Variants in FLI1 observed in about 807,000 individuals in gnomAD.
The protein encoded by FLI1 is Fli-1 proto-oncogene, ETS transcription factor, also known as Friend leukemia integration 1 transcription factor.
Under a neutral mutation model 53.1 loss-of-function variants are expected in FLI1, and 13 were observed. The ratio of observed to expected loss-of-function variants is 0.24; its 90% CI spans 0.16 to 0.39. The LOEUF (loss-of-function observed/expected upper bound fraction) is 0.39, where lower values mean the gene tolerates loss of function less well. Among genes scored for constraint, FLI1 ranks in the 10% least tolerant of loss-of-function variants. The pLI, the probability that FLI1 is intolerant of heterozygous loss-of-function variation, is 1.00. For synonymous variants in FLI1, 244 were observed against 236.7 expected (o/e 1.03, Z -0.28); for missense variants, 424 against 600.5 (o/e 0.71, Z 3.07).
chr11:128,709,870 C>T (rs576017863), intron 1 of FLI1, among the ~76,000 whole-genome samples: 2 of 152,230 alleles, frequency 1.3e-5, no homozygotes, highest in African/African-American at 4.8e-5. Flanking sequence ...AGGGAGATAC[C>T]AGTAGAACTG....
At chr11:128,704,745 A>G (rs1052549497) in intron 1 of FLI1, among the ~76,000 whole-genome samples, 1 of 152,100 alleles carries the variant, frequency 6.6e-6, no homozygotes, top group African/African-American at 2.4e-5. Flanking sequence ...TGTATCACCC[A>G]CCATTTTGCA....
chr11:128,790,167 A>C (rs768569032), intron 5 of FLI1, among the ~76,000 whole-genome samples: 9 of 150,472 alleles, frequency 6.0e-5, no homozygotes, highest in Non-Finnish European at 1.0e-4. Flanking sequence ...TGCTCTCTCT[A>C]TTTTATTTTT....
intron 5 of FLI1, 52 bp downstream of exon 5, chr11:128,782,075 A>G: frequency 5.8e-6 from 8 of 1,386,360 alleles, no homozygotes; most frequent in Non-Finnish European, 8.2e-6. Flanking sequence ...CAGACATGAC[A>G]CAGGCCCATG....
At position 128,772,765 on chromosome 11, in the gene FLI1, C is replaced by A; in HGVS notation, c.386-17C>A. 6.2e-7 allele frequency: 1 copy of A among 1,611,316 alleles called. No individual in the cohort carries two copies. Among genetic ancestry groups the A allele is most frequent in the Non-Finnish European group, 8.5e-7 (1 of 1,177,474 alleles). ...ACCTTCCTGCAGTCCTTGCTAACAACGTCTTCTCCTCTGCAGACCCCACAC... is the reference window on the plus strand; with the variant it reads ...ACCTTCCTGCAGTCCTTGCTAACAAAGTCTTCTCCTCTGCAGACCCCACAC... On this transcript the variant is annotated splice_polypyrimidine_tract_variant and intron_variant, in intron 3 of 8. Transcript: ENST00000527786.
chr11:128,714,918 G>A (rs624505), intron 1 of FLI1, among the ~76,000 whole-genome samples: 132,817 of 151,648 alleles, frequency 0.88, 58,214 homozygotes, highest in East Asian at 0.99. Context: ...CATGTTGGCC[G>A]GAATGGTCTC....
At chr11:128,754,235 A>G (rs1348990675) in intron 1 of FLI1, among the ~76,000 whole-genome samples, 3 of 145,784 alleles carry the variant, frequency 2.1e-5, no homozygotes, top group Admixed American at 6.8e-5. Context: ...TAGAAGGGGG[A>G]TGTGTGTGTG....
At chr11:128,733,751 A>G (rs375895673) in intron 1 of FLI1, among the ~76,000 whole-genome samples, 23 of 152,252 alleles carry the variant, frequency 1.5e-4, no homozygotes, top group African/African-American at 5.1e-4. Context: ...TGTTGTGCCC[A>G]TCTGCCTTTG....
At chr11:128,777,505 C>T (rs1215642869) in intron 4 of FLI1, among the ~76,000 whole-genome samples, 3 of 152,180 alleles carry the variant, frequency 2.0e-5, no homozygotes, top group Admixed American at 1.3e-4. Flanking sequence ...CACCTGCAGC[C>T]TCAGATGGTC....
At chr11:128,745,251 G>A (rs1940328581) in intron 1 of FLI1, among the ~76,000 whole-genome samples, 1 of 148,016 alleles carries the variant, frequency 6.8e-6, no homozygotes, top group Admixed American at 6.6e-5. Context: ...AATTGAAGGT[G>A]ACAGAGGGAA....
At chr11:128,805,667 G>A in intron 6 of FLI1, 1 of 473,790 alleles carries the variant, frequency 2.1e-6, no homozygotes, top group Non-Finnish European at 3.7e-6. Context: ...TAGAACATGG[G>A]AAATTTGAAG....
intron 1 of FLI1, among the ~76,000 whole-genome samples, chr11:128,687,908 T>C (rs1259943313): frequency 6.6e-6 from 1 of 152,202 alleles, no homozygotes; most frequent in East Asian, 1.9e-4. Flanking sequence ...GTAATTCATG[T>C]AGCAATAACC....
intron 3 of FLI1, among the ~76,000 whole-genome samples, chr11:128,768,713 C>T (rs906954030): frequency 2.9e-5 from 4 of 138,088 alleles, no homozygotes; most frequent in Non-Finnish European, 6.2e-5. Flanking sequence ...AAAAAAAAAG[C>T]TGCACATTTT....
rs1942905244 is a variant in FLI1, at chr11:128,810,342, G to A, written c.830-117G>A. ...GGCTTGTCAAGTCGATCCCAATGTC[G>A]AAGGAAACAAAAGGTTTCTTTAAAA... On this transcript the variant is annotated intron_variant, in intron 8 of 8. Transcript: ENST00000527786. The surrounding 1 kb of genome is among the most constrained non-coding windows in gnomAD (Gnocchi z 6.6). 4.8e-6 allele frequency: 5 copies of A among 1,041,132 alleles called. No individual in the cohort carries two copies. The highest frequency in any genetic ancestry group is 5.3e-5 in the East Asian group (2 of 37,890). 64.5% of individuals were successfully genotyped at this position (1,041,132 alleles called of 1,614,324 possible).
chr11:128,803,872 CTTGT>C (rs1942702421), intron 5 of FLI1: 1 of 152,100 alleles, frequency 6.6e-6, no homozygotes, highest in African/African-American at 2.4e-5. Context: ...TTTCATTTGT[CTTGT>C]TTGTTTTTAA....
rs542466990 is a variant in FLI1 at position 128,766,052 on chromosome 11, A to C, written c.231-2066A>C. On this transcript the variant is annotated intron_variant, in intron 2 of 8. Transcript: ENST00000527786. ...TGAAGTATGTGCATGCATGTGGGTA[A>C]AGTATTGTGCACATGTGTTCTGTGT... Among the ~76,000 whole-genome samples the C allele has an allele frequency of 1.6e-3, 245 of 152,066 alleles. 1 individual carries two copies. Among genetic ancestry groups the C allele is most frequent in the African/African-American group, 5.6e-3 (232 of 41,476 alleles).
intron 1 of FLI1, among the ~76,000 whole-genome samples, chr11:128,748,776 C>G (rs796347559): frequency 6.6e-5 from 10 of 152,200 alleles, no homozygotes; most frequent in African/African-American, 2.4e-4. Flanking sequence ...TGCAGTCAGG[C>G]CAGCAGCATG....
chr11:128,790,259 T>TTTC (rs1477823869), intron 5 of FLI1, among the ~76,000 whole-genome samples: 2 of 151,478 alleles, frequency 1.3e-5, no homozygotes, highest in African/African-American at 4.9e-5. Flanking sequence ...TTGCATTTTT[T>TTTC]TTTTTTTCCA....
At chr11:128,775,145 G>A (rs1941692701) in intron 4 of FLI1, among the ~76,000 whole-genome samples, 1 of 152,122 alleles carries the variant, frequency 6.6e-6, no homozygotes, top group African/African-American at 2.4e-5. Context: ...TGAAAATGCA[G>A]GGCAGATATC....
At chr11:128,792,309 G>A (rs967345403) in intron 5 of FLI1, among the ~76,000 whole-genome samples, 6 of 152,112 alleles carry the variant, frequency 3.9e-5, no homozygotes, top group Admixed American at 3.9e-4. Context: ...ATGTTGTCTA[G>A]TTGCTAAGAT....
Sources: gnomAD v4.1 joint callset for allele counts (sites outside exome capture counted in the v4.1 genomes callset) on GRCh38, gnomAD v4.1.1 for gene constraint, Gnocchi (gnomAD v3.1) non-coding constraint, MANE v1.5 for transcripts, NCBI Gene and HGNC (gene_info 2026-07-23, HGNC 2026-07-21) for gene names.